The following PHACTR2 variants were observed in gnomAD, a reference collection of about 807,000 sequenced individuals.
The protein encoded by PHACTR2 is chromosome 6 open reading frame 56.
A neutral mutation model predicts 76.0 loss-of-function variants in PHACTR2; 30 were observed. The ratio of observed to expected loss-of-function variants is 0.39; its 90% CI spans 0.30 to 0.54. PHACTR2 has a LOEUF of 0.54. PHACTR2 is among the 20% of genes least tolerant of loss of function. PHACTR2 has a pLI of 0.61. For missense variants in PHACTR2, 696 were observed against 781.1 expected, an observed-to-expected ratio of 0.89 and a Z score of 1.30; for synonymous variants, 292 against 292.5, an observed-to-expected ratio of 1.00 and a Z score of 0.02.
chr6:143,815,256 C>T (rs1776273511), intron 12 of PHACTR2, among the ~76,000 whole-genome samples: 1 of 152,118 alleles, frequency 6.6e-6, no homozygotes, highest in African/African-American at 2.4e-5. Flanking sequence ...GGTCTAGCCT[C>T]TCAGGTAGAA....
Position 143,659,455 on chromosome 6 carries a change from C to T in PHACTR2, c.13+51133C>T, listed in dbSNP as rs1354945770. ...AAGGCTTGACTGAGGAAGGATACAC[C>T]TGGAAGTGCATGTGGTCACTGGGCA... is the stretch of plus-strand genomic sequence containing the variant. On this transcript the variant is annotated intron_variant, in intron 1 of 11. Transcript: ENST00000305766. This position sits in a 1 kb window ranked among gnomAD's most constrained non-coding sequence, Gnocchi z 5.0. Among the ~76,000 whole-genome samples the T allele has an allele frequency of 2.6e-5, 4 of 152,176 alleles. No individual in the cohort carries two copies. The highest frequency in any genetic ancestry group is 5.9e-5 in the Non-Finnish European group (4 of 68,034).
At chr6:143,649,746 T>A (rs1776723838) in intron 1 of PHACTR2, among the ~76,000 whole-genome samples, 1 of 152,188 alleles carries the variant, frequency 6.6e-6, no homozygotes, top group Admixed American at 6.5e-5. Context: ...TCATACTGAA[T>A]GGGAAAAGCT....
intron 1 of PHACTR2, among the ~76,000 whole-genome samples, chr6:143,586,654 G>A (rs1362356287): frequency 6.6e-6 from 1 of 152,214 alleles, no homozygotes; most frequent in Non-Finnish European, 1.5e-5. Context: ...TTAATTGCAT[G>A]AAGATTAAAA....
At chr6:143,723,120 AG>A (rs1238777059) in intron 2 of PHACTR2, among the ~76,000 whole-genome samples, 11 of 152,170 alleles carry the variant, frequency 7.2e-5, no homozygotes, top group Non-Finnish European at 1.5e-4. Flanking sequence ...ATGTCTTGTC[AG>A]GCTATTGTAG....
Position 143,823,495 on chromosome 6 carries a change from G to A in PHACTR2, c.1923-179G>A, listed in dbSNP as rs1360216989. ...ATATATAAGGAAAGCGTTTATATAT[G>A]CTTTCCTTAATAATATTTGTAACAG... On this transcript the variant is annotated intron_variant, in intron 12 of 12. Coordinates refer to ENST00000440869, the MANE Select transcript of PHACTR2 (RefSeq NM_001100164.2). The surrounding 1 kb of genome is among the most constrained non-coding windows in gnomAD (Gnocchi z 5.7). 1.3e-5 allele frequency among the ~76,000 whole-genome samples: 2 copies of A among 152,124 alleles called. No individual in the cohort carries two copies. The highest frequency in any genetic ancestry group is 2.9e-5 in the Non-Finnish European group (2 of 68,022).
chr6:143,672,324 G>T lies in PHACTR2; in HGVS notation c.14-39692G>T, dbSNP rs556904443. 1.3e-5 allele frequency among the ~76,000 whole-genome samples: 2 copies of T among 152,048 alleles called. No homozygotes were observed. Among genetic ancestry groups the T allele is most frequent in the African/African-American group, 4.8e-5 (2 of 41,476 alleles). ...AAATTACAAATAATTAGCTGGGCAT[G>T]GTGGCAGGCACCCATAGTCCCAGCT... On this transcript the variant is annotated intron_variant, in intron 1 of 11. Coordinates refer to the PHACTR2 transcript ENST00000305766. The surrounding 1 kb of genome is among the most constrained non-coding windows in gnomAD (Gnocchi z 5.8).
intron 12 of PHACTR2, among the ~76,000 whole-genome samples, chr6:143,808,294 A>T (rs1165231076): frequency 1.3e-5 from 2 of 151,918 alleles, no homozygotes; most frequent in Non-Finnish European, 2.9e-5. Context: ...ATACCTGGCT[A>T]ATTTTTGTAT....
intron 12 of PHACTR2, among the ~76,000 whole-genome samples, chr6:143,817,640 G>A (rs1464473882): frequency 1.3e-5 from 2 of 152,144 alleles, no homozygotes; most frequent in Non-Finnish European, 2.9e-5. Flanking sequence ...TGAAATTGTG[G>A]TATACATACA....
rs1424730780 is a variant in PHACTR2, at chr6:143,765,301, A to G, written c.735A>G (p.Ala245=). ...CAAAAAAAACAACTGGCTCTAAAGC[A>G]TCAGCTTCGCCATCCACTTCATCCA... The part of the protein sequence containing the change: ...SHSKKTTGSK[A]SASPSTSSTS... Residue 245 remains alanine (A), a synonymous_variant, in exon 6 of 13, where the codon GCA becomes GCG. Transcript: ENST00000440869. This position sits in a 1 kb window ranked among gnomAD's most constrained non-coding sequence, Gnocchi z 4.1. 1.2e-6 allele frequency: 2 copies of G among 1,614,198 alleles called. No individual in the cohort carries two copies. Among genetic ancestry groups the G allele is most frequent in the Non-Finnish European group, 1.7e-6 (2 of 1,180,040 alleles).
chr6:143,540,924 T>C (rs1198439824), intron 1 of PHACTR2, among the ~76,000 whole-genome samples: 2 of 152,226 alleles, frequency 1.3e-5, no homozygotes, highest in Admixed American at 6.5e-5. Context: ...AATTTATTTT[T>C]CTTTTTTTGA....
At chr6:143,626,450 T>C (rs1776259653) in intron 1 of PHACTR2, among the ~76,000 whole-genome samples, 1 of 149,054 alleles carries the variant, frequency 6.7e-6, no homozygotes. Flanking sequence ...GGCAGGAGAA[T>C]GGCGTGAACC....
chr6:143,558,410 A>G lies in PHACTR2; in HGVS notation c.217+21203A>G, dbSNP rs1357389138. On this transcript the variant is annotated intron_variant, in intron 1 of 11. Transcript: ENST00000367584. The surrounding 1 kb of genome is among the most constrained non-coding windows in gnomAD (Gnocchi z 4.7). ...CCCTTTCACCTACCTCTTTCCCGTT[A>G]CTATGTAAACATGTCCTATTTGCAT... Among the ~76,000 whole-genome samples the G allele has an allele frequency of 6.6e-6, 1 of 152,156 alleles. No individual in the cohort carries two copies. Among genetic ancestry groups the G allele is most frequent in the Non-Finnish European group, 1.5e-5 (1 of 68,020 alleles).
In PHACTR2 at chr6:143,558,312, TC is replaced by T; in HGVS notation, c.217+21109del. On this transcript the variant is annotated intron_variant, in intron 1 of 11. Coordinates refer to the PHACTR2 transcript ENST00000367584. The surrounding 1 kb of genome is among the most constrained non-coding windows in gnomAD (Gnocchi z 4.7). ...GTGGTTGTGTTTTAAGAAAGAGTTT[TC>T]CCCTATTTACATGTAAAAATATGAT... 6.6e-6 allele frequency among the ~76,000 whole-genome samples: 1 copy of T among 152,288 alleles called. No homozygotes were observed. The highest frequency in any genetic ancestry group is 1.9e-4 in the East Asian group (1 of 5,180).
At chr6:143,593,439 T>C (rs1582688364) in intron 1 of PHACTR2, among the ~76,000 whole-genome samples, 1 of 152,216 alleles carries the variant, frequency 6.6e-6, no homozygotes, top group East Asian at 1.9e-4. Flanking sequence ...CATATCTTCA[T>C]TTCTGCTTCA....
Position 143,697,174 on chromosome 6 carries a change from CT to C in PHACTR2, c.47-14841del, listed in dbSNP as rs1406478318. 1.3e-5 allele frequency among the ~76,000 whole-genome samples: 2 copies of C among 152,182 alleles called. No homozygotes were observed. The highest frequency in any genetic ancestry group is 2.9e-5 in the Non-Finnish European group (2 of 68,022). On this transcript the variant is annotated intron_variant, in intron 1 of 12. Coordinates refer to ENST00000440869, the MANE Select transcript of PHACTR2 (RefSeq NM_001100164.2). The surrounding 1 kb of genome is among the most constrained non-coding windows in gnomAD (Gnocchi z 4.4). Reference sequence around the variant, plus strand: ...TTTTATAGTTTTCTATATTGTTCCACTGTTTTCTAAGAGATTCACATTCTCG... The same window carrying C: ...TTTTATAGTTTTCTATATTGTTCCACGTTTTCTAAGAGATTCACATTCTCG...
Position 143,643,503 on chromosome 6 carries a change from T to C in PHACTR2, c.13+35181T>C, listed in dbSNP as rs184479921. On this transcript the variant is annotated intron_variant, in intron 1 of 11. Transcript: ENST00000305766. ...CAAGTCACTGGTTATAACAATGTTT[T>C]AACCATCAGTTGTTTATAATGCATT... 2.0e-3 allele frequency among the ~76,000 whole-genome samples: 305 copies of C among 152,360 alleles called. 1 individual carries two copies. The highest frequency in any genetic ancestry group is 6.8e-3 in the African/African-American group (284 of 41,588).
intron 1 of PHACTR2, among the ~76,000 whole-genome samples, chr6:143,594,834 C>G (rs776263203): frequency 6.6e-6 from 1 of 152,232 alleles, no homozygotes; most frequent in Non-Finnish European, 1.5e-5. Flanking sequence ...CCCTGTTTTG[C>G]TCTCATTAAC....
At chr6:143,650,983 A>G (rs559152514) in intron 1 of PHACTR2, among the ~76,000 whole-genome samples, 43 of 151,950 alleles carry the variant, frequency 2.8e-4, no homozygotes, top group African/African-American at 1.0e-3. Flanking sequence ...AACTTAAACA[A>G]ATTTACCAAA....
chr6:143,551,043 C>A (rs1775087745), intron 1 of PHACTR2, among the ~76,000 whole-genome samples: 1 of 151,166 alleles, frequency 6.6e-6, no homozygotes, highest in Non-Finnish European at 1.5e-5. Flanking sequence ...TCTCCAACAA[C>A]AAACAAAAAG....
Sources: gnomAD v4.1 joint callset for allele counts (sites outside exome capture counted in the v4.1 genomes callset) on GRCh38, gnomAD v4.1.1 for gene constraint, Gnocchi (gnomAD v3.1) non-coding constraint, MANE v1.5 for transcripts, NCBI Gene and HGNC (gene_info 2026-07-23, HGNC 2026-07-21) for gene names.